The following RIMS2 variants were observed in gnomAD, a reference collection of about 807,000 sequenced individuals.
The protein encoded by RIMS2 is regulating synaptic membrane exocytosis protein 2.
RIMS2 carries 59 observed loss-of-function variants against 174.4 expected under a neutral mutation model. The observed-to-expected ratio is 0.34, with a 90% CI of 0.27 to 0.42. The LOEUF (loss-of-function observed/expected upper bound fraction) is 0.42, where lower values mean the gene tolerates loss of function less well. RIMS2 is among the 10% of genes least tolerant of loss of function. The pLI is 1.00. For synonymous variants in RIMS2, 606 were observed against 572.5 expected (o/e 1.06, Z -0.84); for missense variants, 1,620 against 1,666.3 (o/e 0.97, Z 0.48).
intron 1 of RIMS2, among the ~76,000 whole-genome samples, chr8:103,567,222 A>G (rs1414977668): frequency 6.6e-6 from 1 of 152,154 alleles, no homozygotes; most frequent in Non-Finnish European, 1.5e-5. Context: ...CATTTGGTAC[A>G]TTTGCAGTGT....
In RIMS2 at chr8:103,923,832, A is replaced by T. The variant is rs376952563; in HGVS notation, c.2196+2048A>T. On this transcript the variant is annotated intron_variant, in intron 10 of 23. Transcript: ENST00000504942. ...GTACAGAAAATTAATAAGACATAAA[A>T]TCACCTATAATCCTGACACTGAAAT... Among the ~76,000 whole-genome samples the T allele has an allele frequency of 6.6e-5, 10 of 151,886 alleles. No homozygotes were observed. In the East Asian group the frequency reaches 1.7e-3, roughly 26 times the overall value.
intron 3 of RIMS2, among the ~76,000 whole-genome samples, chr8:103,770,458 C>T (rs1024569043): frequency 6.6e-6 from 1 of 152,126 alleles, no homozygotes; most frequent in Non-Finnish European, 1.5e-5. Context: ...TGCCTATAAT[C>T]CCAGCTACTT....
In RIMS2 at chr8:103,922,685, C is replaced by G. The variant is rs548374408; in HGVS notation, c.2196+901C>G. On this transcript the variant is annotated intron_variant, in intron 10 of 23. Transcript: ENST00000504942. The stretch of plus-strand genomic sequence containing the variant: ...ATTATTTGAGGCTGATATTTTAAGC[C>G]CAAAAAAGATAGCTTTTTGTTAAAT... 19 of 366,274 alleles carry G rather than the reference C, an allele frequency of 5.2e-5. 1 individual carries two copies. The highest frequency in any genetic ancestry group is 3.4e-4 in the South Asian group (17 of 50,040). 22.7% of individuals were successfully genotyped at this position (366,274 alleles called of 1,614,324 possible).
At chr8:103,601,737 C>T (rs575706680) in intron 1 of RIMS2, among the ~76,000 whole-genome samples, 2 of 151,504 alleles carry the variant, frequency 1.3e-5, no homozygotes, top group South Asian at 4.2e-4. Context: ...CTTCTCTTTC[C>T]TGTCTTTTTT....
chr8:103,608,586 C>T (rs2134073620), intron 1 of RIMS2, among the ~76,000 whole-genome samples: 1 of 148,218 alleles, frequency 6.7e-6, no homozygotes, highest in African/African-American at 2.5e-5. Context: ...GCCCCTCCCC[C>T]AGCCTCGCTG....
intron 14 of RIMS2, among the ~76,000 whole-genome samples, chr8:103,955,580 A>C (rs1002556207): frequency 1.3e-5 from 2 of 152,338 alleles, no homozygotes; most frequent in African/African-American, 4.8e-5. Context: ...TCAATAAACT[A>C]GGCACTGATG....
At chr8:103,912,746 A>T (rs2075920626) in intron 6 of RIMS2, among the ~76,000 whole-genome samples, 1 of 152,154 alleles carries the variant, frequency 6.6e-6, no homozygotes, top group Admixed American at 6.5e-5. Flanking sequence ...AAAATACCAG[A>T]AAATTATTTG....
chr8:104,151,058 A>G (rs2098686044), intron 19 of RIMS2, among the ~76,000 whole-genome samples: 1 of 152,224 alleles, frequency 6.6e-6, no homozygotes, highest in Admixed American at 6.5e-5. Context: ...GATAATTCAG[A>G]CAAAAGATAA....
intron 3 of RIMS2, chr8:103,768,573 G>A (rs1369249121): frequency 1.3e-6 from 2 of 1,501,894 alleles, no homozygotes; most frequent in Non-Finnish European, 1.9e-6. Context: ...AAATCAGTTC[G>A]TGGTTGCATT....
intron 1 of RIMS2, among the ~76,000 whole-genome samples, chr8:103,680,718 G>C (rs1036135269): frequency 6.6e-6 from 1 of 151,974 alleles, no homozygotes; most frequent in Non-Finnish European, 1.5e-5. Flanking sequence ...CAGTTCATCG[G>C]AAGGGCAGTC....
intron 19 of RIMS2, among the ~76,000 whole-genome samples, chr8:104,172,575 T>G (rs190408611): frequency 7.6e-4 from 116 of 152,354 alleles, no homozygotes; most frequent in African/African-American, 2.5e-3. Context: ...ATGAGTAGTA[T>G]CTGAGCATCT....
At chr8:103,974,232 T>C (rs75481880) in intron 15 of RIMS2, among the ~76,000 whole-genome samples, 2,013 of 152,342 alleles carry the variant, frequency 0.013, 60 homozygotes, top group African/African-American at 0.046. Context: ...TGAGTTAATA[T>C]TGTAAAGTAT....
intron 19 of RIMS2, among the ~76,000 whole-genome samples, chr8:104,207,279 G>C (rs2099084779): frequency 6.6e-6 from 1 of 152,156 alleles, no homozygotes. Context: ...CTAGCAAATA[G>C]AGACTGGAAG....
chr8:103,994,422 TTC>T (rs1490278568), intron 17 of RIMS2, among the ~76,000 whole-genome samples: 1 of 152,196 alleles, frequency 6.6e-6, no homozygotes, highest in Non-Finnish European at 1.5e-5. Flanking sequence ...TTCTATTTTT[TTC>T]TTTTACAGTG....
chr8:103,544,059 A>G (rs1273815662), intron 1 of RIMS2, among the ~76,000 whole-genome samples: 1 of 152,242 alleles, frequency 6.6e-6, no homozygotes, highest in Admixed American at 6.5e-5. Flanking sequence ...TTTGCAGACC[A>G]TACATCTGAT....
intron 3 of RIMS2, among the ~76,000 whole-genome samples, chr8:103,790,827 TG>T (rs1178261254): frequency 6.6e-6 from 1 of 152,240 alleles, no homozygotes; most frequent in Non-Finnish European, 1.5e-5. Context: ...TATGATTTTA[TG>T]TTTACATTGT....
intron 2 of RIMS2, among the ~76,000 whole-genome samples, chr8:103,714,637 A>G (rs1387198942): frequency 1.3e-5 from 2 of 152,214 alleles, no homozygotes; most frequent in Admixed American, 1.3e-4. Context: ...CACAAAGAAT[A>G]GTTATTGACA....
At chr8:104,251,238 T>G in intron 23 of RIMS2, 75 bp downstream of exon 29, 1 of 1,230,898 alleles carries the variant, frequency 8.1e-7, no homozygotes, top group East Asian at 2.5e-5. Flanking sequence ...CCAAATCTTT[T>G]CTGTTGTATT....
chr8:103,527,083 C>T (rs1260246734), intron 1 of RIMS2, among the ~76,000 whole-genome samples: 1 of 152,116 alleles, frequency 6.6e-6, no homozygotes, highest in African/African-American at 2.4e-5. Context: ...ACAATAAATG[C>T]TATAAGACAA....
Sources: allele counts gnomAD v4.1 joint callset (sites outside exome capture counted in the v4.1 genomes callset), GRCh38; gene constraint gnomAD v4.1.1; transcripts MANE v1.5; gene names NCBI Gene and HGNC (gene_info 2026-07-23, HGNC 2026-07-21).